Variants in CNTNAP2 observed in about 807,000 individuals in gnomAD.
CNTNAP2 encodes contactin-associated protein-like 2.
CNTNAP2 carries 98 observed loss-of-function variants against 155.2 expected under a neutral mutation model. That is an observed-to-expected ratio of 0.63 (90% confidence interval 0.54 to 0.75). The LOEUF (loss-of-function observed/expected upper bound fraction) is 0.75, where lower values mean the gene tolerates loss of function less well. Among genes scored for constraint, CNTNAP2 ranks in the 30% least tolerant of loss-of-function variants. CNTNAP2 has a pLI of 0.00. For synonymous variants in CNTNAP2, 651 were observed against 631.2 expected (o/e 1.03, Z -0.47); for missense variants, 1,727 against 1,688.1 (o/e 1.02, Z -0.40).
intron 9 of CNTNAP2, among the ~76,000 whole-genome samples, chr7:147,316,055 G>T (rs1584867739): frequency 6.6e-6 from 1 of 151,912 alleles, no homozygotes; most frequent in South Asian, 2.1e-4. Context: ...ATATAATGCT[G>T]ATATGAACAT....
chr7:146,582,526 A>AT (rs1798626932), intron 1 of CNTNAP2, among the ~76,000 whole-genome samples: 1 of 152,196 alleles, frequency 6.6e-6, no homozygotes, highest in South Asian at 2.1e-4. Flanking sequence ...ACAGTGATTT[A>AT]TAACGCAAGC....
In CNTNAP2 at chr7:147,395,779, A is replaced by G; in HGVS notation, c.1669A>G (p.Arg557Gly). 1 of 1,611,842 alleles carries G rather than the reference A, an allele frequency of 6.2e-7. No homozygotes were observed. Among genetic ancestry groups the G allele is most frequent in the Non-Finnish European group, 8.5e-7 (1 of 1,178,328 alleles). ...CATTGACATGTGTGCGATCATAGAC[A>G]GGTAAATGATCTTTTCATCCTACCT... ...VSIDMCAIID[R>G]CVPNHCEHGG... The change falls in exon 10 of 24, where the codon AGA (arginine) becomes GGA (glycine). Residue 557 changes from arginine to glycine, a missense_variant and splice_region_variant. Transcript: ENST00000361727.
At chr7:147,566,990 G>A (rs979074235) in intron 12 of CNTNAP2, among the ~76,000 whole-genome samples, 2 of 152,082 alleles carry the variant, frequency 1.3e-5, no homozygotes, top group South Asian at 2.1e-4. Flanking sequence ...AGAATGAAGA[G>A]CAACTTGGCA....
At chr7:147,250,809 C>T (rs1000126949) in intron 8 of CNTNAP2, among the ~76,000 whole-genome samples, 5 of 152,094 alleles carry the variant, frequency 3.3e-5, no homozygotes, top group Non-Finnish European at 4.4e-5. Context: ...ACAAAATCAG[C>T]AATGAGGGGC....
At chr7:147,177,907 A>G (rs2116492975) in intron 8 of CNTNAP2, among the ~76,000 whole-genome samples, 1 of 152,224 alleles carries the variant, frequency 6.6e-6, no homozygotes, top group Middle Eastern at 3.4e-3. Context: ...TATCCACCAT[A>G]CTTATAAAAA....
chr7:147,138,483 C>A (rs1319209237), intron 8 of CNTNAP2, among the ~76,000 whole-genome samples: 1 of 151,950 alleles, frequency 6.6e-6, no homozygotes, highest in Non-Finnish European at 1.5e-5. Flanking sequence ...GTATGTTGCT[C>A]CTGGGTAGCT....
chr7:146,220,937 C>T (rs1419929860), intron 1 of CNTNAP2, among the ~76,000 whole-genome samples: 2 of 152,224 alleles, frequency 1.3e-5, no homozygotes, highest in Admixed American at 6.5e-5. Flanking sequence ...TTTCATCCCA[C>T]CCAGTCTGAG....
At chr7:146,272,766 G>A (rs1800102573) in intron 1 of CNTNAP2, among the ~76,000 whole-genome samples, 1 of 152,094 alleles carries the variant, frequency 6.6e-6, no homozygotes, top group Non-Finnish European at 1.5e-5. Context: ...TGGTGACAAA[G>A]GCATTGATTG....
rs562861223 is a variant in CNTNAP2 at position 146,514,395 on chromosome 7, C to A, written c.98-259876C>A. Among the ~76,000 whole-genome samples, 5 of 152,122 alleles carry A rather than the reference C, an allele frequency of 3.3e-5. No homozygotes were observed. The East Asian group carries it at 5.8e-4, about 18-fold the overall frequency. Reference sequence around the variant, plus strand: ...GCTCTTTAAAGGCTATTCTCTAGATCTCATAGGCGTTCTTTGTTTCTTTCC... The same window carrying A: ...GCTCTTTAAAGGCTATTCTCTAGATATCATAGGCGTTCTTTGTTTCTTTCC... On this transcript the variant is annotated intron_variant, in intron 1 of 23. Coordinates refer to ENST00000361727, the MANE Select transcript of CNTNAP2 (RefSeq NM_014141.6).
chr7:147,208,038 A>G (rs2116565117), intron 8 of CNTNAP2, among the ~76,000 whole-genome samples: 1 of 152,034 alleles, frequency 6.6e-6, no homozygotes. Context: ...ACACGCCTTG[A>G]CAAACAGTCA....
chr7:147,623,556 A>G (rs960968195), intron 12 of CNTNAP2, among the ~76,000 whole-genome samples: 5 of 152,030 alleles, frequency 3.3e-5, no homozygotes, highest in Non-Finnish European at 5.9e-5. Context: ...AAAGTGAAAG[A>G]TCTCTATAAT....
At chr7:147,827,674 C>T (rs1482835679) in intron 13 of CNTNAP2, among the ~76,000 whole-genome samples, 2 of 151,866 alleles carry the variant, frequency 1.3e-5, no homozygotes, top group Non-Finnish European at 2.9e-5. Flanking sequence ...CTTAGAGTCA[C>T]AGGAAGAAGA....
At chr7:148,260,677 G>A (rs1363892453) in intron 20 of CNTNAP2, among the ~76,000 whole-genome samples, 3 of 152,204 alleles carry the variant, frequency 2.0e-5, no homozygotes, top group African/African-American at 4.8e-5. Flanking sequence ...TTTCCTAGTG[G>A]CCCCCTAGGG....
At chr7:148,246,133 G>C (rs950058678) in intron 20 of CNTNAP2, among the ~76,000 whole-genome samples, 1 of 152,178 alleles carries the variant, frequency 6.6e-6, no homozygotes, top group African/African-American at 2.4e-5. Context: ...ACCTGGAAAA[G>C]AATTTGAAGG....
intron 1 of CNTNAP2, chr7:146,117,265 G>A: frequency 2.4e-6 from 1 of 417,038 alleles, no homozygotes; most frequent in Non-Finnish European, 4.4e-6. Context: ...AGCTTCTTAG[G>A]AGTTGTTTGT....
chr7:146,644,050 G>A (rs1474205369), intron 1 of CNTNAP2, among the ~76,000 whole-genome samples: 1 of 152,186 alleles, frequency 6.6e-6, no homozygotes, highest in Non-Finnish European at 1.5e-5. Context: ...ATCAGTTTAA[G>A]GAGATTTTGG....
At chr7:146,354,454 G>A (rs374700367) in intron 1 of CNTNAP2, among the ~76,000 whole-genome samples, 10 of 138,052 alleles carry the variant, frequency 7.2e-5, no homozygotes, top group East Asian at 2.1e-4. Flanking sequence ...TCACTCTGTC[G>A]CCCCGCCTGG....
chr7:146,988,435 C>T (rs1182595617), intron 3 of CNTNAP2, among the ~76,000 whole-genome samples: 3 of 152,014 alleles, frequency 2.0e-5, no homozygotes, highest in Admixed American at 1.3e-4. Context: ...AGAAAAAATA[C>T]ATTTAATCAC....
intron 1 of CNTNAP2, among the ~76,000 whole-genome samples, chr7:146,698,115 A>G (rs536631939): frequency 5.9e-5 from 9 of 152,266 alleles, no homozygotes; most frequent in African/African-American, 2.2e-4. Flanking sequence ...CACATGTAAC[A>G]TTGCTCATTC....
Sources: allele counts gnomAD v4.1 joint callset (sites outside exome capture counted in the v4.1 genomes callset), GRCh38; gene constraint gnomAD v4.1.1; transcripts MANE v1.5; gene names NCBI Gene and HGNC (gene_info 2026-07-23, HGNC 2026-07-21).